HSPG2: variants seen among roughly 807,000 people sequenced by gnomAD.
The protein encoded by HSPG2 is basement membrane-specific heparan sulfate proteoglycan core protein.
A neutral mutation model predicts 526.6 loss-of-function variants in HSPG2; 278 were observed. That is an observed-to-expected ratio of 0.53 (90% CI 0.48 to 0.58). The LOEUF (loss-of-function observed/expected upper bound fraction) is 0.58. Ranked by LOEUF, HSPG2 falls within the 20% of genes least tolerant of loss-of-function variation. The pLI is 0.00. For missense variants in HSPG2, 5,354 were observed against 6,099.5 expected (o/e 0.88, Z 4.07); for synonymous variants, 2,465 against 2,555.4 (o/e 0.96, Z 1.07).
Position 21,847,254 on chromosome 1 carries a change from GC to G in HSPG2, c.8164+99del. 1 of 1,369,434 alleles carries G rather than the reference GC, an allele frequency of 7.3e-7. No homozygotes were observed. The allele number at this position is 1,369,434 out of a possible 1,614,324, so 84.8% of individuals were successfully genotyped here. ...CCCACGCATCTTTCCGCTGGCCCTT[GC>G]CTGAGTACCACCAGGTCTGAGGACT... On this transcript the variant is annotated intron_variant, in intron 62 of 96. Transcript: ENST00000374695. This position sits in a 1 kb window ranked among gnomAD's most constrained non-coding sequence, Gnocchi z 4.1.
chr1:21,926,761 CAAAAAAA>C (rs57835686), intron 1 of HSPG2, among the ~76,000 whole-genome samples: 2 of 55,842 alleles, frequency 3.6e-5, no homozygotes, highest in African/African-American at 1.5e-4. Context: ...GACTCAGTCT[CAAAAAAA>C]AAAAAAAAAA....
At position 21,889,883 on chromosome 1, in the gene HSPG2, G is replaced by A. The variant is rs774274952; in HGVS notation, c.574+98C>T. The A allele has an allele frequency of 2.5e-6, 3 of 1,213,018 alleles. No individual in the cohort carries two copies. In the African/African-American group the frequency reaches 4.4e-5, roughly 18 times the overall value. The allele number at this position is 1,213,018 out of a possible 1,614,324, so 75.1% of individuals were successfully genotyped here. A position where few individuals can be genotyped will look rare whatever the true frequency, so the allele number is the denominator to read the frequency against. ...AGGAGTAGTGAGCTCCCTGTTTCTAGTGGTGTGCAAGCCCAAGTTGGGAGC... is the reference window on the plus strand; with the variant it reads ...AGGAGTAGTGAGCTCCCTGTTTCTAATGGTGTGCAAGCCCAAGTTGGGAGC... On this transcript the variant is annotated intron_variant, in intron 6 of 96. Coordinates refer to ENST00000374695, the MANE Select transcript of HSPG2 (RefSeq NM_005529.7).
chr1:21,847,821 C>T lies in HSPG2; in HGVS notation c.7893G>A (p.Pro2631=), dbSNP rs571876580. 11 of 1,613,852 alleles carry T rather than the reference C, an allele frequency of 6.8e-6. No homozygotes were observed. The highest frequency in any genetic ancestry group is 4.5e-5 in the East Asian group (2 of 44,864). ...GSSHVPSVSP[P]IRIESSSPTV... ...TGGGGGAAGACGACTCGATCCTGAT[C>T]GGTGGGGAGACGCTGGGCACTGGGG... The change falls in exon 61 of 97, where the codon CCG becomes CCA. Residue 2631 remains proline, a synonymous_variant. Coordinates refer to ENST00000374695, the MANE Select transcript of HSPG2 (RefSeq NM_005529.7). This position sits in a 1 kb window ranked among gnomAD's most constrained non-coding sequence, Gnocchi z 4.1.
chr1:21,847,135 C>G lies in HSPG2; in HGVS notation c.8164+219G>C, dbSNP rs1217432462. On this transcript the variant is annotated intron_variant, in intron 62 of 96. Transcript: ENST00000374695. This position sits in a 1 kb window ranked among gnomAD's most constrained non-coding sequence, Gnocchi z 4.1. ...TAAACTTCCTGTGATGATGGAAATG[C>G]TTTTTATCTGCACAGGCCAAGTCAG... is the stretch of plus-strand genomic sequence containing the variant. Among the ~76,000 whole-genome samples the G allele has an allele frequency of 6.6e-6, 1 of 152,240 alleles. No individual in the cohort carries two copies. Among genetic ancestry groups the G allele is most frequent in the Non-Finnish European group, 1.5e-5 (1 of 68,048 alleles).
chr1:21,871,870 A>G (rs977718461), intron 33 of HSPG2, among the ~76,000 whole-genome samples: 31 of 152,218 alleles, frequency 2.0e-4, no homozygotes, highest in Admixed American at 2.0e-3. Flanking sequence ...ACTTGTCTTT[A>G]TATTTCCCGG....
At chr1:21,829,285 C>A (rs920417420) in intron 87 of HSPG2, 98 bp downstream of exon 87, 3 of 1,433,438 alleles carry the variant, frequency 2.1e-6, no homozygotes, top group African/African-American at 2.8e-5. Flanking sequence ...TTGCCCTGAT[C>A]CCTGCATTTA....
chr1:21,859,665 G>A lies in HSPG2; in HGVS notation c.5194C>T (p.His1732Tyr). Residue 1732 changes from histidine to tyrosine, a missense_variant, in exon 42 of 97, where the codon CAC becomes TAC. His to Tyr is a moderately conservative substitution (Grantham distance 83, BLOSUM62 2). Transcript: ENST00000374695. This position sits in a 1 kb window ranked among gnomAD's most constrained non-coding sequence, Gnocchi z 5.3. ...TQQRHQGSEL[H>Y]FPSVQPSDAG... ...TCCGAGGGCTGGACGCTGGGGAAGT[G>A]GAGCTCGGAGCCTGGTGGGGAGGAG... 2 of 1,607,768 alleles carry A rather than the reference G, an allele frequency of 1.2e-6. No homozygotes were observed. Among genetic ancestry groups the A allele is most frequent in the Non-Finnish European group, 8.5e-7 (1 of 1,177,362 alleles).
rs552374876 is a variant in HSPG2, at chr1:21,895,551, C to T, written c.244+371G>A. Reference sequence around the variant, plus strand: ...GTTCCACTTGTCTTTGCCTGGGATCCCCAGCTCTGTGCCCCCAGGAGGGCT... The same window carrying T: ...GTTCCACTTGTCTTTGCCTGGGATCTCCAGCTCTGTGCCCCCAGGAGGGCT... On this transcript the variant is annotated intron_variant, in intron 3 of 96. Transcript: ENST00000374695. This position sits in a 1 kb window ranked among gnomAD's most constrained non-coding sequence, Gnocchi z 4.1. 1.8e-4 allele frequency among the ~76,000 whole-genome samples: 27 copies of T among 152,282 alleles called. No homozygotes were observed. The South Asian group carries it at 5.6e-3, about 32-fold the overall frequency.
intron 33 of HSPG2, among the ~76,000 whole-genome samples, chr1:21,870,630 C>T (rs1000323533): frequency 3.3e-5 from 5 of 152,244 alleles, no homozygotes; most frequent in East Asian, 3.8e-4. Flanking sequence ...ACAGTTGGCA[C>T]CAGGACCAGA....
rs1252747058 is a variant in HSPG2, at chr1:21,893,020, G to A, written c.245-2326C>T. On this transcript the variant is annotated intron_variant, in intron 3 of 96. Coordinates refer to ENST00000374695, the MANE Select transcript of HSPG2 (RefSeq NM_005529.7). The surrounding 1 kb of genome is among the most constrained non-coding windows in gnomAD (Gnocchi z 4.3). The stretch of plus-strand genomic sequence containing the variant: ...ACCCTATCTGGTGAGTTCCCTTGGA[G>A]CCAGAGGCCGGGAGAGGGAGACAGC... Among the ~76,000 whole-genome samples, 1 of 152,154 alleles carries A rather than the reference G, an allele frequency of 6.6e-6. No individual in the cohort carries two copies. Among genetic ancestry groups the A allele is most frequent in the African/African-American group, 2.4e-5 (1 of 41,430 alleles).
rs72080514 is a variant in HSPG2 at position 21,867,132 on chromosome 1, T to TTG, written c.4222-1324_4222-1323insCA. The stretch of plus-strand genomic sequence containing the variant: ...TGTTGCTCAGGCACTTTTTTTTTTT[T>TTG]TTAAATAGAGATGGGGTCTCCCTAT... On this transcript the variant is annotated intron_variant, in intron 33 of 96. Transcript: ENST00000374695. Among the ~76,000 whole-genome samples, 3 of 150,760 alleles carry TTG rather than the reference T, an allele frequency of 2.0e-5. No homozygotes were observed. In the East Asian group the frequency reaches 5.8e-4, roughly 29 times the overall value.
At chr1:21,909,951 G>C (rs1253598587) in intron 1 of HSPG2, among the ~76,000 whole-genome samples, 1 of 152,164 alleles carries the variant, frequency 6.6e-6, no homozygotes, top group African/African-American at 2.4e-5. Flanking sequence ...TCCCCCCTCA[G>C]CTGCACGTTG....
At chr1:21,906,896 C>T (rs372571857) in intron 1 of HSPG2, among the ~76,000 whole-genome samples, 59 of 152,234 alleles carry the variant, frequency 3.9e-4, no homozygotes, top group East Asian at 3.5e-3. Flanking sequence ...AGATTTTAGA[C>T]GTAAGATATG....
Position 21,884,539 on chromosome 1 carries a change from T to C in HSPG2, c.1643A>G (p.Asp548Gly). 6.2e-7 allele frequency: 1 copy of C among 1,611,104 alleles called. No homozygotes were observed. ...GCCCGCCAACGCACCCTTGAAGTCATCGGGTTGGTCAAAGCGCAGCCTGAT... is the reference window on the plus strand; with the variant it reads ...GCCCGCCAACGCACCCTTGAAGTCACCGGGTTGGTCAAAGCGCAGCCTGAT... ...DQIRLRFDQP[D>G]DFKGVNVTMP... The change falls in exon 13 of 97, where the codon GAT (aspartate) becomes GGT (glycine). Residue 548 changes from aspartate (D) to glycine (G), a missense_variant. Coordinates refer to ENST00000374695, the MANE Select transcript of HSPG2 (RefSeq NM_005529.7).
intron 1 of HSPG2, among the ~76,000 whole-genome samples, chr1:21,900,653 C>G (rs560257317): frequency 1.9e-4 from 29 of 152,198 alleles, no homozygotes; most frequent in African/African-American, 6.7e-4. Context: ...ATACGGAGAG[C>G]AGGTACAGAT....
rs1451481231 is a variant in HSPG2 at position 21,864,136 on chromosome 1, G to T, written c.4704C>A (p.His1568Gln). The T allele has an allele frequency of 6.4e-7, 1 of 1,556,856 alleles. No homozygotes were observed. Among genetic ancestry groups the T allele is most frequent in the South Asian group, 1.2e-5 (1 of 84,356 alleles). ...CAGTCTCTGGGTGGCACAGGTCTGA[G>T]TGGCCATTGCATTCACATAGCTCGC... ...GHCELCECNGHSDLCHPETGA... is the reference protein window; with the variant it reads ...GHCELCECNGQSDLCHPETGA... Residue 1568 changes from histidine (H) to glutamine (Q), a missense_variant, in exon 37 of 97, where the codon CAC becomes CAA. Physicochemically the swap from His to Gln is conservative, Grantham distance 24 (BLOSUM62 0). Transcript: ENST00000374695. The surrounding 1 kb of genome is among the most constrained non-coding windows in gnomAD (Gnocchi z 4.8).
chr1:21,856,290 ACT>A (rs910220142), intron 44 of HSPG2, among the ~76,000 whole-genome samples: 1 of 151,748 alleles, frequency 6.6e-6, no homozygotes, highest in Non-Finnish European at 1.5e-5. Flanking sequence ...TGCCAAGAAC[ACT>A]CTGCCAACTC....
chr1:21,861,784 G>A lies in HSPG2; in HGVS notation c.4928C>T (p.Pro1643Leu), dbSNP rs775389963. The change falls in exon 39 of 97, where the codon CCC (proline) becomes CTC (leucine). Residue 1643 changes from proline to leucine, a missense_variant. Transcript: ENST00000374695. ...AGGYRCTACE[P>L]GYTGQYCEQC... ...CTCACAGTACTGGCCAGTGTAGCCG[G>A]GTTCGCAGGCCGTGCAGCGGTACCC... 1 of 1,613,932 alleles carries A rather than the reference G, an allele frequency of 6.2e-7. No homozygotes were observed. The highest frequency in any genetic ancestry group is 1.1e-5 in the South Asian group (1 of 91,074).
chr1:21,876,319 G>T lies in HSPG2; in HGVS notation c.2913C>A (p.Pro971=), dbSNP rs1431284519. 6.2e-7 allele frequency: 1 copy of T among 1,613,910 alleles called. No individual in the cohort carries two copies. Among genetic ancestry groups the T allele is most frequent in the Admixed American group, 1.7e-5 (1 of 59,976 alleles). Residue 971 remains proline, a synonymous_variant, in exon 23 of 97, where the codon CCC becomes CCA. Transcript: ENST00000374695. ...AGGAGAATCCCAGTTCCCCGGGCGTGGGGGAGAAGATGCCCTCGTTGGTGG... is the reference window on the plus strand; with the variant it reads ...AGGAGAATCCCAGTTCCCCGGGCGTTGGGGAGAAGATGCCCTCGTTGGTGG... ...THTTNEGIFS[P]TPGELGFSSF...
Sources: gnomAD v4.1 joint callset for allele counts (sites outside exome capture counted in the v4.1 genomes callset) on GRCh38, gnomAD v4.1.1 for gene constraint, Gnocchi (gnomAD v3.1) non-coding constraint, MANE v1.5 for transcripts, NCBI Gene and HGNC (gene_info 2026-07-23, HGNC 2026-07-21) for gene names.